YARS1: variants seen among roughly 807,000 people sequenced by gnomAD.
The protein encoded by YARS1 is tyrosine--tRNA ligase, cytoplasmic.
YARS1 carries 36 observed loss-of-function variants against 62.2 expected under a neutral mutation model. The observed-to-expected ratio is 0.58, with a 90% CI of 0.44 to 0.76. YARS1 has a LOEUF of 0.76. YARS1 is among the 30% of genes least tolerant of loss of function. YARS1 has a pLI of 0.00. For synonymous variants in YARS1, 234 were observed against 244.9 expected (o/e 0.96, Z 0.42); for missense variants, 524 against 639.8 (o/e 0.82, Z 1.95).
At chr1:32,795,002 CAA>C (rs71278770) in intron 5 of YARS1, among the ~76,000 whole-genome samples, 2,709 of 22,120 alleles carry the variant, frequency 0.12, 9 homozygotes, top group Non-Finnish European at 0.17. Context: ...GACTCTGTCT[CAA>C]AAAAAAAAAA....
intron 4 of YARS1, among the ~76,000 whole-genome samples, chr1:32,801,629 C>T (rs919875495): frequency 2.5e-4 from 38 of 152,160 alleles, no homozygotes; most frequent in Non-Finnish European, 4.4e-4. Flanking sequence ...CTCCCTTTCA[C>T]GAAAGATTTA....
intron 5 of YARS1, 63 bp downstream of exon 5, chr1:32,797,700 C>T: frequency 7.1e-7 from 1 of 1,398,860 alleles, no homozygotes; most frequent in Non-Finnish European, 1.0e-6. Flanking sequence ...CATCATAGTT[C>T]AATAAACACA....
At chr1:32,782,320 C>T in intron 9 of YARS1, 84 bp downstream of exon 9, 1 of 1,610,684 alleles carries the variant, frequency 6.2e-7, no homozygotes, top group Non-Finnish European at 8.5e-7. Context: ...TTGTTGTGCC[C>T]TCAATTTAAG....
chr1:32,786,838 G>T, intron 7 of YARS1, 102 bp downstream of exon 7: 1 of 1,458,692 alleles, frequency 6.9e-7, no homozygotes, highest in Non-Finnish European at 9.5e-7. Flanking sequence ...AATCAGGGCA[G>T]CCAGTCCCTG....
chr1:32,817,346 G>T lies in YARS1; in HGVS notation c.-102C>A. Reference sequence around the variant, plus strand: ...GGGAACTGTCACGCGAGTCCAGCCAGGTTGCATCAGCTGGGCTCGGCGCTC... The same window carrying T: ...GGGAACTGTCACGCGAGTCCAGCCATGTTGCATCAGCTGGGCTCGGCGCTC... On this transcript the variant is annotated 5_prime_UTR_variant, in exon 1 of 13. It adds an upstream start codon to the 5' untranslated region. Transcript: ENST00000373477. 1 of 1,486,348 alleles carries T rather than the reference G, an allele frequency of 6.7e-7. No homozygotes were observed. Among genetic ancestry groups the T allele is most frequent in the Non-Finnish European group, 9.3e-7 (1 of 1,075,278 alleles). The allele number at this position is 1,486,348 out of a possible 1,614,324, so 92.1% of individuals were successfully genotyped here. A position where few individuals can be genotyped will look rare whatever the true frequency, so the allele number is the denominator to read the frequency against.
In YARS1 at chr1:32,781,272, G is replaced by A. The variant is rs150871207; in HGVS notation, c.1043-127C>T. 3.3e-4 allele frequency: 262 copies of A among 800,232 alleles called. 4 individuals are homozygous for A. In the East Asian group the frequency reaches 6.7e-3, roughly 20 times the overall value. The allele number at this position is 800,232 out of a possible 1,614,324, so 49.6% of individuals were successfully genotyped here. ...AGAATCCCCAGAGTCTAAACACTGA[G>A]TTGTAACTTCTTTAATACTGGGTTG... On this transcript the variant is annotated intron_variant, in intron 9 of 12. Transcript: ENST00000373477.
intron 6 of YARS1, among the ~76,000 whole-genome samples, chr1:32,789,077 T>C (rs1653329767): frequency 6.6e-6 from 1 of 152,192 alleles, no homozygotes; most frequent in South Asian, 2.1e-4. Flanking sequence ...CTGCCCACCT[T>C]GGCTTCCCAA....
chr1:32,804,004 C>G (rs1638376369), intron 4 of YARS1, among the ~76,000 whole-genome samples: 1 of 152,134 alleles, frequency 6.6e-6, no homozygotes, highest in Non-Finnish European at 1.5e-5. Flanking sequence ...CGCCCTTTAT[C>G]CATTTAACCC....
chr1:32,811,074 A>G lies in YARS1; in HGVS notation c.58-17T>C. The G allele has an allele frequency of 6.2e-7, 1 of 1,613,956 alleles. No homozygotes were observed. The highest frequency in any genetic ancestry group is 8.5e-7 in the Non-Finnish European group (1 of 1,179,998). ...CAGAACCTCCTATTGTGGAAGCAGA[A>G]GAGTTAGTTTAATGTCAGTGCCTCA... is the stretch of plus-strand genomic sequence containing the variant. On this transcript the variant is annotated splice_polypyrimidine_tract_variant and intron_variant, in intron 1 of 12. Transcript: ENST00000373477.
chr1:32,811,066 G>A lies in YARS1; in HGVS notation c.58-9C>T, dbSNP rs1557467121. On this transcript the variant is annotated splice_polypyrimidine_tract_variant and intron_variant, in intron 1 of 12. Coordinates refer to ENST00000373477, the MANE Select transcript of YARS1 (RefSeq NM_003680.4). ...TCTTCCCCCAGAACCTCCTATTGTG[G>A]AAGCAGAAGAGTTAGTTTAATGTCA... is the stretch of plus-strand genomic sequence containing the variant. 6.2e-7 allele frequency: 1 copy of A among 1,614,020 alleles called. No homozygotes were observed.
intron 12 of YARS1, among the ~76,000 whole-genome samples, chr1:32,778,731 CTTTT>C (rs1652954452): frequency 1.5e-5 from 2 of 136,876 alleles, no homozygotes; most frequent in Non-Finnish European, 3.2e-5. Context: ...CATTTCTTTT[CTTTT>C]CTTTTTTTTT....
intron 5 of YARS1, among the ~76,000 whole-genome samples, chr1:32,795,606 A>C (rs998598429): frequency 9.9e-5 from 15 of 151,886 alleles, no homozygotes; most frequent in Non-Finnish European, 1.3e-4. Flanking sequence ...AGAGATCAAG[A>C]CCATTCCTGG....
Position 32,790,215 on chromosome 1 carries a change from T to A in YARS1, c.684+947A>T, listed in dbSNP as rs866385903. Among the ~76,000 whole-genome samples, 383 of 146,492 alleles carry A rather than the reference T, an allele frequency of 2.6e-3. 1 individual carries two copies. The highest frequency in any genetic ancestry group is 4.3e-3 in the Admixed American group (64 of 14,762). On this transcript the variant is annotated intron_variant, in intron 6 of 12. Coordinates refer to ENST00000373477, the MANE Select transcript of YARS1 (RefSeq NM_003680.4). ...TTTTTTTTTTTTTAATTTGTATTTTTAAAAACTTTTTGGCTGGGTGCAGTG... is the reference window on the plus strand; with the variant it reads ...TTTTTTTTTTTTTAATTTGTATTTTAAAAAACTTTTTGGCTGGGTGCAGTG...
intron 5 of YARS1, among the ~76,000 whole-genome samples, chr1:32,792,158 G>C (rs558330081): frequency 6.6e-6 from 1 of 152,318 alleles, no homozygotes; most frequent in African/African-American, 2.4e-5. Context: ...CCTGGGCAGA[G>C]ATTTTGGAGG....
chr1:32,781,233 G>A, intron 9 of YARS1, 88 bp from the exon 10 acceptor site: 1 of 1,057,516 alleles, frequency 9.5e-7, no homozygotes, highest in Admixed American at 1.7e-5. Context: ...CTGAGATTAG[G>A]TAAGATTTAG....
At chr1:32,798,235 A>AT (rs1308681338) in intron 4 of YARS1, 1 of 231,536 alleles carries the variant, frequency 4.3e-6, no homozygotes, top group Non-Finnish European at 8.6e-6. Context: ...AAATTACTAG[A>AT]TTTTTCAGAA....
rs777955605 is a variant in YARS1 at position 32,775,963 on chromosome 1, G to A, written c.*18C>T. ...AGATGACTCAGTGGTGGAAGAAGGG[G>A]GGAAGATGCTGGGCTGGCTAGCTAA... is the stretch of plus-strand genomic sequence containing the variant. On this transcript the variant is annotated 3_prime_UTR_variant, in exon 13 of 13. Coordinates refer to ENST00000373477, the MANE Select transcript of YARS1 (RefSeq NM_003680.4). 2 of 1,595,178 alleles carry A rather than the reference G, an allele frequency of 1.3e-6. No individual in the cohort carries two copies. The highest frequency in any genetic ancestry group is 1.7e-6 in the Non-Finnish European group (2 of 1,162,968).
intron 5 of YARS1, among the ~76,000 whole-genome samples, chr1:32,794,682 G>A (rs968297875): frequency 6.6e-6 from 1 of 151,296 alleles, no homozygotes; most frequent in Non-Finnish European, 1.5e-5. Flanking sequence ...GACCCATTGC[G>A]CCCAGCCAAG....
intron 3 of YARS1, among the ~76,000 whole-genome samples, chr1:32,808,064 C>G (rs956535796): frequency 2.0e-5 from 3 of 151,976 alleles, no homozygotes; most frequent in Non-Finnish European, 2.9e-5. Flanking sequence ...TGCCATGATG[C>G]CTAGCTAATT....
Sources: gnomAD v4.1 joint callset for allele counts (sites outside exome capture counted in the v4.1 genomes callset) on GRCh38, gnomAD v4.1.1 for gene constraint, MANE v1.5 for transcripts, NCBI Gene and HGNC (gene_info 2026-07-23, HGNC 2026-07-21) for gene names.